The following CFAP221 variants were observed in gnomAD, a reference collection of about 807,000 sequenced individuals.
The protein encoded by CFAP221 is cilia and flagella associated protein 221, also known as cilia- and flagella-associated protein 221.
A neutral mutation model predicts 113.1 loss-of-function variants in CFAP221; 97 were observed. The ratio of observed to expected loss-of-function variants is 0.86; its 90% CI spans 0.73 to 1.02. The LOEUF (loss-of-function observed/expected upper bound fraction) is 1.02. Among genes scored for constraint, CFAP221 ranks in the 50% least tolerant of loss-of-function variants. CFAP221 has a pLI of 0.00. For missense variants in CFAP221, 1,025 were observed against 1,013.4 expected (o/e 1.01, Z -0.16); for synonymous variants, 331 against 354.4 (o/e 0.93, Z 0.74).
chr2:119,631,310 A>C (rs1234591643), intron 19 of CFAP221, among the ~76,000 whole-genome samples: 2 of 152,220 alleles, frequency 1.3e-5, no homozygotes, highest in Non-Finnish European at 2.9e-5. Flanking sequence ...CCCCTTTAAA[A>C]AATTAGAAAA....
intron 6 of CFAP221, among the ~76,000 whole-genome samples, chr2:119,568,944 C>T (rs1681843691): frequency 6.6e-6 from 1 of 152,150 alleles, no homozygotes; most frequent in African/African-American, 2.4e-5. Context: ...ATTTCCCCTT[C>T]ACTTTTGAAG....
intron 21 of CFAP221, among the ~76,000 whole-genome samples, chr2:119,642,344 G>T (rs1324204230): frequency 6.6e-6 from 1 of 152,122 alleles, no homozygotes; most frequent in Non-Finnish European, 1.5e-5. Context: ...CGTTTGGGCA[G>T]CTATAATAAA....
At chr2:119,597,016 A>G (rs1035960209) in intron 7 of CFAP221, among the ~76,000 whole-genome samples, 3 of 152,222 alleles carry the variant, frequency 2.0e-5, no homozygotes, top group Admixed American at 6.5e-5. Context: ...TAAGAACTCA[A>G]GCGGGTCAAG....
At chr2:119,627,254 A>C (rs1686376674) in intron 15 of CFAP221, among the ~76,000 whole-genome samples, 1 of 152,020 alleles carries the variant, frequency 6.6e-6, no homozygotes, top group Non-Finnish European at 1.5e-5. Flanking sequence ...CATTTTAATG[A>C]TTCTTTCTTC....
At chr2:119,651,896 A>G (rs1300642356) in intron 22 of CFAP221, 78 bp from the exon 23 acceptor site, 10 of 1,158,648 alleles carry the variant, frequency 8.6e-6, no homozygotes, top group Non-Finnish European at 1.1e-5. Context: ...ATAACTCCTA[A>G]ATGATCACAA....
At chr2:119,631,700 G>T (rs1307782039) in intron 19 of CFAP221, among the ~76,000 whole-genome samples, 2 of 151,906 alleles carry the variant, frequency 1.3e-5, no homozygotes, top group African/African-American at 4.8e-5. Flanking sequence ...GAAATAGAAA[G>T]CAGAAAAACA....
chr2:119,631,857 A>C (rs1313379334), intron 19 of CFAP221, among the ~76,000 whole-genome samples: 1 of 152,228 alleles, frequency 6.6e-6, no homozygotes, highest in Non-Finnish European at 1.5e-5. Context: ...GATTTTAAAA[A>C]GATAAGAAGT....
Position 119,612,718 on chromosome 2 carries a change from A to G in CFAP221, c.1311+976A>G, listed in dbSNP as rs768289805. On this transcript the variant is annotated intron_variant, in intron 13 of 23. Coordinates refer to ENST00000413369, the MANE Select transcript of CFAP221 (RefSeq NM_001271049.2). The stretch of plus-strand genomic sequence containing the variant: ...CATGTCTTGAATTATGGAAACTACA[A>G]TTCAAGACGGGATTTGGGTGGGAAC... 2.3e-4 allele frequency among the ~76,000 whole-genome samples: 35 copies of G among 152,270 alleles called. No homozygotes were observed. The East Asian group carries it at 2.7e-3, about 12-fold the overall frequency.
Position 119,611,420 on chromosome 2 carries a change from CAA to C in CFAP221, c.1222-214_1222-213del, listed in dbSNP as rs10689517. On this transcript the variant is annotated intron_variant, in intron 12 of 23. Transcript: ENST00000413369. ...CCTGGGTGACAGAGCGAGACAACGT[CAA>C]AAAAAAAAAAAAAAAAAAGGAGGTA... Among the ~76,000 whole-genome samples the C allele has an allele frequency of 1.3e-3, 147 of 113,444 alleles. 5 individuals carry two copies. In the East Asian group the frequency reaches 0.026, roughly 20 times the overall value. The allele number at this position is 113,444 out of a possible 152,430, so 74.4% of individuals were successfully genotyped here. A position where few individuals can be genotyped will look rare whatever the true frequency, so the allele number is the denominator to read the frequency against.
At chr2:119,585,532 A>G (rs1683154043) in intron 6 of CFAP221, among the ~76,000 whole-genome samples, 2 of 152,244 alleles carry the variant, frequency 1.3e-5, no homozygotes, top group Admixed American at 1.3e-4. Context: ...CATCATGCTG[A>G]TATACCCAAA....
intron 14 of CFAP221, among the ~76,000 whole-genome samples, chr2:119,621,702 T>G (rs1167637626): frequency 2.6e-5 from 4 of 152,138 alleles, no homozygotes; most frequent in African/African-American, 9.7e-5. Flanking sequence ...CAGACGACAG[T>G]GCAATCAAAT....
intron 8 of CFAP221, chr2:119,602,672 A>G: frequency 3.0e-6 from 3 of 985,412 alleles, no homozygotes; most frequent in Non-Finnish European, 3.6e-6. Flanking sequence ...AAATCCTGCA[A>G]ATAACCATCA....
intron 7 of CFAP221, among the ~76,000 whole-genome samples, chr2:119,597,471 T>G (rs764048404): frequency 1.3e-5 from 2 of 152,224 alleles, no homozygotes; most frequent in Non-Finnish European, 2.9e-5. Flanking sequence ...TTCCCAACAT[T>G]AGCTTTGAGA....
intron 14 of CFAP221, among the ~76,000 whole-genome samples, chr2:119,618,812 A>G (rs1312273538): frequency 1.3e-5 from 2 of 152,130 alleles, no homozygotes; most frequent in African/African-American, 4.8e-5. Context: ...ACCCCCATGG[A>G]GCCCAGCAAG....
chr2:119,605,145 A>G (rs1684648564), intron 10 of CFAP221, 36 bp from the exon 11 acceptor site: 1 of 1,556,440 alleles, frequency 6.4e-7, no homozygotes, highest in African/African-American at 1.4e-5. Flanking sequence ...TTTTAATCTG[A>G]TTACTGGTAT....
Position 119,627,723 on chromosome 2 carries a change from G to A in CFAP221, c.1587G>A (p.Ser529=), listed in dbSNP as rs202085071. 270 of 1,613,592 alleles carry A rather than the reference G, an allele frequency of 1.7e-4. No individual in the cohort carries two copies. Among genetic ancestry groups the A allele is most frequent in the East Asian group, 2.2e-4 (10 of 44,862 alleles). ...ATTATACCAGCCGGTTCTCTGTGTCGCCCAAGGAGGTGCTGCCCTTCGCTT... is the reference window on the plus strand; with the variant it reads ...ATTATACCAGCCGGTTCTCTGTGTCACCCAAGGAGGTGCTGCCCTTCGCTT... The part of the protein sequence containing the change: ...QDDYTSRFSV[S]PKEVLPFAFP... Residue 529 remains serine, a synonymous_variant, in exon 16 of 24, where the codon TCG becomes TCA. Transcript: ENST00000413369.
intron 3 of CFAP221, among the ~76,000 whole-genome samples, chr2:119,558,681 G>A (rs969416298): frequency 5.9e-5 from 9 of 151,954 alleles, no homozygotes; most frequent in African/African-American, 1.9e-4. Context: ...AAATTAGCTG[G>A]GCATGGTGGT....
chr2:119,646,362 G>C (rs984609334), intron 21 of CFAP221, among the ~76,000 whole-genome samples: 1 of 152,106 alleles, frequency 6.6e-6, no homozygotes, highest in Admixed American at 6.6e-5. Context: ...TGGCTTCTGC[G>C]GAGGCCTCTG....
chr2:119,629,766 C>T (rs1355214649), intron 16 of CFAP221, 109 bp from the exon 17 acceptor site: 1 of 833,108 alleles, frequency 1.2e-6, no homozygotes, highest in South Asian at 1.9e-5. Context: ...GGAGGAGTTG[C>T]TCTGAGAGTA....
Sources: gnomAD v4.1 joint callset for allele counts (sites outside exome capture counted in the v4.1 genomes callset) on GRCh38, gnomAD v4.1.1 for gene constraint, MANE v1.5 for transcripts, NCBI Gene and HGNC (gene_info 2026-07-23, HGNC 2026-07-21) for gene names.